The following SCAPER variants were observed in gnomAD, a reference collection of about 807,000 sequenced individuals.
SCAPER encodes S phase cyclin A-associated protein in the endoplasmic reticulum.
Under a neutral mutation model 182.2 loss-of-function variants are expected in SCAPER, and 98 were observed. That is an observed-to-expected ratio of 0.54 (90% CI 0.46 to 0.64). The LOEUF (loss-of-function observed/expected upper bound fraction) is 0.64, where lower values mean the gene tolerates loss of function less well. Ranked by LOEUF, SCAPER falls within the 30% of genes least tolerant of loss-of-function variation. The pLI is 0.00. For missense variants in SCAPER, 1,432 were observed against 1,690.0 expected (o/e 0.85, Z 2.68); for synonymous variants, 605 against 564.6 (o/e 1.07, Z -1.01).
intron 2 of SCAPER, among the ~76,000 whole-genome samples, chr15:76,870,353 T>A (rs1052429908): frequency 2.0e-5 from 3 of 151,936 alleles, no homozygotes. Context: ...ACCCCAAAAT[T>A]ATGTACATCT....
At chr15:76,750,665 C>G (rs1029018472) in intron 15 of SCAPER, among the ~76,000 whole-genome samples, 1 of 151,834 alleles carries the variant, frequency 6.6e-6, no homozygotes, top group Non-Finnish European at 1.5e-5. Context: ...AAAAAACACA[C>G]AGTCTCAACT....
At chr15:76,535,165 T>TTTTCATGCCCATGACACAA (rs1428763184) in intron 23 of SCAPER, among the ~76,000 whole-genome samples, 1 of 152,076 alleles carries the variant, frequency 6.6e-6, no homozygotes, top group Non-Finnish European at 1.5e-5. Context: ...GACTGATAAT[T>TTTTCATGCCCATGACACAA]TTTCATGCCC....
chr15:76,354,418 G>A lies in SCAPER; in HGVS notation c.3856-278C>T, dbSNP rs543099103. ...GGTGTAGCTGCCACGGAGTAAGGAC[G>A]CCTATGAAATGGATTCAGAATGCAC... On this transcript the variant is annotated intron_variant, in intron 29 of 31. Transcript: ENST00000563290. The surrounding 1 kb of genome is among the most constrained non-coding windows in gnomAD (Gnocchi z 4.4). 3.1e-5 allele frequency: 10 copies of A among 322,662 alleles called. No homozygotes were observed. Among genetic ancestry groups the A allele is most frequent in the Admixed American group, 1.1e-4 (2 of 18,472 alleles). The allele number at this position is 322,662 out of a possible 1,614,324, so 20.0% of individuals were successfully genotyped here. A position where few individuals can be genotyped will look rare whatever the true frequency, so the allele number is the denominator to read the frequency against.
At chr15:76,828,989 A>G (rs1298289503) in intron 5 of SCAPER, among the ~76,000 whole-genome samples, 5 of 152,248 alleles carry the variant, frequency 3.3e-5, no homozygotes, top group Admixed American at 6.5e-5. Context: ...TTGTATGATA[A>G]GGACACATCA....
At chr15:76,773,151 C>T (rs2063561093) in intron 9 of SCAPER, among the ~76,000 whole-genome samples, 1 of 151,800 alleles carries the variant, frequency 6.6e-6, no homozygotes, top group Admixed American at 6.6e-5. Context: ...ACTACTCAAT[C>T]CCACTTATTA....
At chr15:76,576,268 G>A (rs1376857268) in intron 22 of SCAPER, among the ~76,000 whole-genome samples, 1 of 152,184 alleles carries the variant, frequency 6.6e-6, no homozygotes, top group Non-Finnish European at 1.5e-5. Context: ...GGAGGTTGAG[G>A]TGCGAGGACT....
intron 24 of SCAPER, among the ~76,000 whole-genome samples, chr15:76,475,412 C>T (rs563381909): frequency 2.1e-4 from 32 of 151,994 alleles, no homozygotes; most frequent in African/African-American, 4.1e-4. Flanking sequence ...CTGCAACCTC[C>T]GCCTCTTGGG....
intron 1 of SCAPER, among the ~76,000 whole-genome samples, chr15:76,898,625 G>T (rs1253285010): frequency 1.3e-5 from 2 of 152,180 alleles, no homozygotes; most frequent in Non-Finnish European, 2.9e-5. Context: ...ACGTTAAATG[G>T]AAGAAGCCAG....
intron 1 of SCAPER, among the ~76,000 whole-genome samples, chr15:76,900,289 G>T (rs1390649250): frequency 7.0e-6 from 1 of 141,932 alleles, no homozygotes; most frequent in South Asian, 2.2e-4. Flanking sequence ...ATTATCCTAT[G>T]ACCCTGCCAC....
intron 1 of SCAPER, among the ~76,000 whole-genome samples, chr15:76,890,925 T>C (rs1196436567): frequency 6.6e-6 from 1 of 152,172 alleles, no homozygotes; most frequent in African/African-American, 2.4e-5. Context: ...CTCAATAGAA[T>C]ACTGGCAAAC....
At chr15:76,615,639 T>C (rs1251940636) in intron 22 of SCAPER, among the ~76,000 whole-genome samples, 1 of 150,240 alleles carries the variant, frequency 6.7e-6, no homozygotes, top group Non-Finnish European at 1.5e-5. Flanking sequence ...GCTAACATGG[T>C]GAAACCCCAT....
At chr15:76,448,241 G>A (rs140176237) in intron 25 of SCAPER, among the ~76,000 whole-genome samples, 33 of 152,240 alleles carry the variant, frequency 2.2e-4, no homozygotes, top group African/African-American at 7.2e-4. Context: ...CAATATGTAG[G>A]CTGCTATGGG....
intron 27 of SCAPER, among the ~76,000 whole-genome samples, chr15:76,395,807 CTTGA>C (rs998495376): frequency 3.4e-4 from 52 of 152,218 alleles, no homozygotes; most frequent in African/African-American, 1.2e-3. Flanking sequence ...TGTCTCTTCA[CTTGA>C]TTGATTGTTT....
intron 22 of SCAPER, among the ~76,000 whole-genome samples, chr15:76,591,637 T>C (rs545854837): frequency 5.9e-5 from 9 of 152,004 alleles, no homozygotes. Flanking sequence ...ACTTTTTGCA[T>C]TTTTTTTGTA....
intron 22 of SCAPER, among the ~76,000 whole-genome samples, chr15:76,604,888 CTT>C (rs1208329475): frequency 6.6e-6 from 1 of 151,876 alleles, no homozygotes; most frequent in Admixed American, 6.6e-5. Flanking sequence ...TATCCTGAGA[CTT>C]TGCTGAAGTT....
intron 1 of SCAPER, among the ~76,000 whole-genome samples, chr15:76,894,142 C>T (rs55682754): frequency 0.058 from 8,785 of 152,174 alleles, 760 homozygotes; most frequent in African/African-American, 0.19. Flanking sequence ...GTCCCAGCTA[C>T]TTGGGAGGCT....
chr15:76,694,044 T>G (rs1183167904), intron 20 of SCAPER, among the ~76,000 whole-genome samples: 2 of 152,104 alleles, frequency 1.3e-5, no homozygotes, highest in African/African-American at 2.4e-5. Flanking sequence ...CAGCTTTGTT[T>G]TTTCTCAGGA....
intron 26 of SCAPER, among the ~76,000 whole-genome samples, chr15:76,411,838 G>A (rs546397949): frequency 1.3e-5 from 2 of 151,956 alleles, no homozygotes; most frequent in East Asian, 3.9e-4. Context: ...CAGTACCTTG[G>A]TATGATTTTA....
intron 14 of SCAPER, among the ~76,000 whole-genome samples, chr15:76,756,282 G>T (rs2062429472): frequency 6.8e-6 from 1 of 146,818 alleles, no homozygotes; most frequent in South Asian, 2.2e-4. Context: ...CAAAGACCCA[G>T]GGCAAGAATG....
Sources: gnomAD v4.1 joint callset for allele counts (sites outside exome capture counted in the v4.1 genomes callset) on GRCh38, gnomAD v4.1.1 for gene constraint, Gnocchi (gnomAD v3.1) non-coding constraint, MANE v1.5 for transcripts, NCBI Gene and HGNC (gene_info 2026-07-23, HGNC 2026-07-21) for gene names.